FMN1: variants seen among roughly 807,000 people sequenced by gnomAD.
FMN1 encodes formin-1.
In FMN1, 110 loss-of-function variants were observed where a neutral mutation model predicts 132.4. The ratio of observed to expected loss-of-function variants is 0.83; its 90% CI spans 0.71 to 0.97. The LOEUF (loss-of-function observed/expected upper bound fraction) is 0.97, where lower values mean the gene tolerates loss of function less well. FMN1 is among the 50% of genes least tolerant of loss of function. The pLI is 0.00. For synonymous variants in FMN1, 722 were observed against 651.7 expected, an observed-to-expected ratio of 1.11 and a Z score of -1.64; for missense variants, 1,792 against 1,705.3, an observed-to-expected ratio of 1.05 and a Z score of -0.90.
intron 7 of FMN1, among the ~76,000 whole-genome samples, chr15:33,005,137 T>A (rs2034345626): frequency 6.6e-6 from 1 of 151,802 alleles, no homozygotes; most frequent in Admixed American, 6.6e-5. Context: ...CATGTATACA[T>A]ATGTAACAAA....
At chr15:32,801,489 G>A (rs543522997) in intron 18 of FMN1, among the ~76,000 whole-genome samples, 3 of 152,174 alleles carry the variant, frequency 2.0e-5, no homozygotes, top group South Asian at 2.1e-4. Context: ...TTATTTGGCC[G>A]GGCACAGTGG....
At chr15:33,188,142 G>A (rs954617045) in intron 2 of FMN1, among the ~76,000 whole-genome samples, 11 of 151,050 alleles carry the variant, frequency 7.3e-5, no homozygotes, top group Admixed American at 5.3e-4. Flanking sequence ...AGACCAGCCT[G>A]GCCAAGATGG....
intron 9 of FMN1, among the ~76,000 whole-genome samples, chr15:32,930,727 G>A (rs2061093027): frequency 6.6e-6 from 1 of 151,486 alleles, no homozygotes; most frequent in East Asian, 1.9e-4. Context: ...TTTTGGGGGG[G>A]GGCGGTCTAT....
intron 5 of FMN1, among the ~76,000 whole-genome samples, chr15:33,086,658 C>T (rs2038708734): frequency 6.6e-6 from 1 of 152,190 alleles, no homozygotes; most frequent in African/African-American, 2.4e-5. Flanking sequence ...CTGTTTGCGG[C>T]AAATGCAACT....
Position 32,804,294 on chromosome 15 carries a change from T to A in FMN1, c.3967A>T (p.Asn1323Tyr). ...AGAGCTGCTTACCTTTTCTGTGCAT[T>A]CTCCAAGTGACTTTCTTCCATCTTA... ...EHKMEESHLE[N>Y]AQKSFETTVR... is the part of the protein sequence containing the mutation. The change falls in exon 18 of 21, where the codon AAT becomes TAT. Residue 1323 changes from asparagine (N) to tyrosine (Y), a missense_variant. This residue lies in a region of FMN1 where 1,150 missense variants were observed against 1,043.1 expected (regional missense o/e 1.10). Coordinates refer to ENST00000616417, the MANE Select transcript of FMN1 (RefSeq NM_001277313.2). 6.4e-7 allele frequency: 1 copy of A among 1,569,268 alleles called. No individual in the cohort carries two copies. The highest frequency in any genetic ancestry group is 8.7e-7 in the Non-Finnish European group (1 of 1,155,808).
chr15:32,879,714 T>C (rs1317665300), intron 16 of FMN1, among the ~76,000 whole-genome samples: 2 of 152,112 alleles, frequency 1.3e-5, no homozygotes, highest in African/African-American at 4.8e-5. Flanking sequence ...TGTGGCAAAG[T>C]GCATGGTTTA....
chr15:32,825,835 T>C (rs1384485306), intron 17 of FMN1, among the ~76,000 whole-genome samples: 1 of 152,122 alleles, frequency 6.6e-6, no homozygotes, highest in African/African-American at 2.4e-5. Flanking sequence ...CCGTCTCTTA[T>C]CTTTGCTCGG....
chr15:33,019,477 C>G (rs554926432), intron 6 of FMN1, among the ~76,000 whole-genome samples: 104 of 152,332 alleles, frequency 6.8e-4, no homozygotes, highest in African/African-American at 2.4e-3. Flanking sequence ...AGTCCCACGC[C>G]GTGCGACTCC....
intron 4 of FMN1, among the ~76,000 whole-genome samples, chr15:33,117,203 A>G (rs1007110214): frequency 1.3e-5 from 2 of 151,922 alleles, no homozygotes; most frequent in Admixed American, 6.6e-5. Flanking sequence ...CCTACTCCAA[A>G]AGAGAGAGAG....
At chr15:33,177,895 C>T (rs569300281) in intron 3 of FMN1, among the ~76,000 whole-genome samples, 5 of 152,162 alleles carry the variant, frequency 3.3e-5, no homozygotes, top group African/African-American at 1.2e-4. Context: ...GTAATCCCAG[C>T]TACTTGGGAG....
chr15:32,857,131 G>C (rs776201850), intron 16 of FMN1, 24 bp from the exon 17 acceptor site: 1 of 1,578,334 alleles, frequency 6.3e-7, no homozygotes, highest in Non-Finnish European at 8.7e-7. Context: ...TTTAGAATTA[G>C]ACTTAGGAAC....
chr15:33,150,314 G>C, intron 4 of FMN1: 1 of 985,430 alleles, frequency 1.0e-6, no homozygotes, highest in Non-Finnish European at 1.2e-6. Flanking sequence ...ACTCCACAAA[G>C]GCTTGGGAAC....
chr15:33,100,631 A>T (rs1345725637), intron 4 of FMN1, among the ~76,000 whole-genome samples: 12 of 152,198 alleles, frequency 7.9e-5, no homozygotes, highest in Admixed American at 2.0e-4. Flanking sequence ...TTACAGAAGA[A>T]GTTTTCAAAC....
chr15:32,985,268 AG>A (rs1207297472), intron 7 of FMN1, among the ~76,000 whole-genome samples: 1 of 152,118 alleles, frequency 6.6e-6, no homozygotes, highest in Non-Finnish European at 1.5e-5. Flanking sequence ...GCTTATCTTG[AG>A]AACAGCCTCT....
intron 19 of FMN1, 150 bp from the exon 20 acceptor site, chr15:32,777,069 T>A: frequency 1.7e-6 from 1 of 592,692 alleles, no homozygotes; most frequent in Non-Finnish European, 3.0e-6. Context: ...AAATGTTTTT[T>A]CAATGCTTGT....
rs1304625395 is a variant in FMN1 at position 32,848,999 on chromosome 15, T to TTTTC, written c.3928+8015_3928+8016insGAAA. The stretch of plus-strand genomic sequence containing the variant: ...TTTGTTTTTTTTTTTTTTTTTTTTT[T>TTTTC]CAGAGACAGAGTCTCACTCTGTCAC... On this transcript the variant is annotated intron_variant, in intron 17 of 20. Coordinates refer to ENST00000616417, the MANE Select transcript of FMN1 (RefSeq NM_001277313.2). 3.3e-4 allele frequency among the ~76,000 whole-genome samples: 48 copies of TTTTC among 145,072 alleles called. 1 individual carries two copies. The highest frequency in any genetic ancestry group is 1.2e-3 in the African/African-American group (44 of 37,902).
intron 7 of FMN1, among the ~76,000 whole-genome samples, chr15:32,974,478 C>A (rs2032041065): frequency 6.6e-6 from 1 of 152,130 alleles, no homozygotes; most frequent in Non-Finnish European, 1.5e-5. Context: ...CCAATTAAAC[C>A]ATCCTGTTTT....
chr15:32,839,188 C>A (rs1031299239), intron 17 of FMN1, among the ~76,000 whole-genome samples: 30 of 152,170 alleles, frequency 2.0e-4, no homozygotes, highest in Non-Finnish European at 7.3e-5. Context: ...TGGCTTCTCA[C>A]AGGCAGCTTC....
At chr15:33,007,656 G>A (rs752322549) in intron 7 of FMN1, among the ~76,000 whole-genome samples, 6 of 151,864 alleles carry the variant, frequency 4.0e-5, no homozygotes, top group Middle Eastern at 3.2e-3. Flanking sequence ...ATGAACACCC[G>A]AACAAGAGGA....
Sources: allele counts gnomAD v4.1 joint callset (sites outside exome capture counted in the v4.1 genomes callset), GRCh38; gene constraint gnomAD v4.1.1; regional missense constraint gnomAD v4.1.1; transcripts MANE v1.5; gene names NCBI Gene and HGNC (gene_info 2026-07-23, HGNC 2026-07-21).